STRN: variants seen among roughly 807,000 people sequenced by gnomAD.
STRN encodes protein phosphatase 2 regulatory subunit B'''alpha.
In STRN, 53 loss-of-function variants were observed where a neutral mutation model predicts 96.3. The observed-to-expected ratio is 0.55, with a 90% confidence interval of 0.44 to 0.69. STRN has a LOEUF of 0.69. Among genes scored for constraint, STRN ranks in the 30% least tolerant of loss-of-function variants. STRN has a pLI of 0.00. For missense variants in STRN, 987 were observed against 963.9 expected (o/e 1.02, Z -0.32); for synonymous variants, 428 against 355.9 (o/e 1.20, Z -2.28).
At chr2:36,883,242 G>T (rs992376641) in intron 9 of STRN, among the ~76,000 whole-genome samples, 1 of 151,870 alleles carries the variant, frequency 6.6e-6, no homozygotes, top group Admixed American at 6.5e-5. Flanking sequence ...ATCACTTGAG[G>T]TCAGGAATTC....
At chr2:36,857,182 C>A (rs2148132197) in intron 14 of STRN, among the ~76,000 whole-genome samples, 1 of 151,662 alleles carries the variant, frequency 6.6e-6, no homozygotes, top group Non-Finnish European at 1.5e-5. Context: ...CTGCCTCAGC[C>A]TCCCAAAGTG....
At chr2:36,918,925 C>T (rs900709092) in intron 2 of STRN, among the ~76,000 whole-genome samples, 3 of 152,150 alleles carry the variant, frequency 2.0e-5, no homozygotes, top group Non-Finnish European at 1.5e-5. Flanking sequence ...TATCTAGCAA[C>T]TCCATGTTTG....
At chr2:36,880,598 A>G (rs1460210301) in intron 9 of STRN, among the ~76,000 whole-genome samples, 3 of 152,234 alleles carry the variant, frequency 2.0e-5, no homozygotes, top group Non-Finnish European at 4.4e-5. Flanking sequence ...AATACCATAT[A>G]TCATCCGAGA....
In STRN at chr2:36,857,871, A is replaced by T; in HGVS notation, c.1822T>A (p.Phe608Ile). Residue 608 changes from phenylalanine to isoleucine, a missense_variant, in exon 14 of 18, where the codon TTT becomes ATT. Phe to Ile is a conservative substitution (Grantham distance 21). Coordinates refer to ENST00000263918, the MANE Select transcript of STRN (RefSeq NM_003162.4). ...TTEVAPALSVFNDTKELGIPA... is the reference protein window; with the variant it reads ...TTEVAPALSVINDTKELGIPA... ...AAGTATGTACCTTTAGTATCATTAA[A>T]TACACTTAGTGCTGGAGCAACCTCA... 1.9e-6 allele frequency: 3 copies of T among 1,613,926 alleles called. No individual in the cohort carries two copies. The highest frequency in any genetic ancestry group is 2.5e-6 in the Non-Finnish European group (3 of 1,179,874).
chr2:36,951,303 T>C (rs889222131), intron 1 of STRN, among the ~76,000 whole-genome samples: 2 of 152,202 alleles, frequency 1.3e-5, no homozygotes, highest in African/African-American at 4.8e-5. Context: ...TAGCATCAAG[T>C]AGCAATTATG....
intron 7 of STRN, 81 bp from the exon 8 acceptor site, chr2:36,886,907 C>A (rs1323263603): frequency 5.6e-6 from 6 of 1,063,760 alleles, no homozygotes; most frequent in Non-Finnish European, 8.0e-6. Context: ...AATGACGTAA[C>A]AACCACTTTC....
intron 9 of STRN, among the ~76,000 whole-genome samples, chr2:36,882,540 T>C (rs1346797865): frequency 6.6e-6 from 1 of 151,900 alleles, no homozygotes; most frequent in Non-Finnish European, 1.5e-5. Flanking sequence ...GCCGACGCAG[T>C]TGGATCACTT....
chr2:36,956,415 A>G (rs1664888721), intron 1 of STRN, among the ~76,000 whole-genome samples: 1 of 152,226 alleles, frequency 6.6e-6, no homozygotes, highest in African/African-American at 2.4e-5. Flanking sequence ...TCTGAGGCCC[A>G]TACTTTCAAC....
chr2:36,913,228 T>C (rs116206643), intron 3 of STRN, among the ~76,000 whole-genome samples: 2,320 of 152,262 alleles, frequency 0.015, 33 homozygotes, highest in Non-Finnish European at 0.027. Context: ...TTCAAATGCT[T>C]ATTATATTCC....
intron 5 of STRN, 107 bp downstream of exon 5, chr2:36,902,477 A>AATTT (rs2148200026): frequency 1.2e-6 from 1 of 836,938 alleles, no homozygotes; most frequent in Non-Finnish European, 1.7e-6. Context: ...ATTAAGTTAT[A>AATTT]AATTATTTCT....
chr2:36,957,506 GGAACC>G (rs1260323450), intron 1 of STRN, among the ~76,000 whole-genome samples: 1 of 151,860 alleles, frequency 6.6e-6, no homozygotes, highest in Non-Finnish European at 1.5e-5. Flanking sequence ...AAGAATCGCT[GGAACC>G]TGGAAGGCAG....
At chr2:36,875,659 AT>A (rs70946955) in intron 10 of STRN, among the ~76,000 whole-genome samples, 18 of 142,426 alleles carry the variant, frequency 1.3e-4, no homozygotes, top group African/African-American at 1.3e-4. Flanking sequence ...AATAGAAATG[AT>A]TTTTTTTTTT....
At chr2:36,856,999 G>C (rs143816121) in intron 14 of STRN, among the ~76,000 whole-genome samples, 1 of 151,444 alleles carries the variant, frequency 6.6e-6, no homozygotes, top group Non-Finnish European at 1.5e-5. Context: ...GTACAGAACC[G>C]TCAACCAATT....
At chr2:36,915,406 T>G (rs999985614) in intron 3 of STRN, among the ~76,000 whole-genome samples, 95 of 151,486 alleles carry the variant, frequency 6.3e-4, no homozygotes, top group African/African-American at 2.1e-3. Context: ...TGATAACTTT[T>G]GATTAATTTT....
At chr2:36,934,883 C>G (rs1371339525) in intron 1 of STRN, among the ~76,000 whole-genome samples, 1 of 152,156 alleles carries the variant, frequency 6.6e-6, no homozygotes, top group African/African-American at 2.4e-5. Context: ...TTGAGTCCAG[C>G]CATGGGCAAG....
intron 3 of STRN, among the ~76,000 whole-genome samples, chr2:36,907,221 G>C (rs972865542): frequency 1.6e-4 from 24 of 152,232 alleles, no homozygotes; most frequent in African/African-American, 5.8e-4. Context: ...AGATACAATA[G>C]GGACTGGAAA....
At chr2:36,912,788 T>C (rs1301136018) in intron 3 of STRN, among the ~76,000 whole-genome samples, 1 of 152,170 alleles carries the variant, frequency 6.6e-6, no homozygotes, top group African/African-American at 2.4e-5. Context: ...CCATCTTCAC[T>C]TGGTTACCTA....
chr2:36,885,454 A>G (rs540651356), intron 8 of STRN, among the ~76,000 whole-genome samples: 1 of 152,300 alleles, frequency 6.6e-6, no homozygotes, highest in African/African-American at 2.4e-5. Context: ...ATGCTTGTTA[A>G]GATTAAATTG....
intron 1 of STRN, among the ~76,000 whole-genome samples, chr2:36,951,749 C>G (rs1215689047): frequency 1.3e-5 from 2 of 152,216 alleles, no homozygotes; most frequent in Non-Finnish European, 2.9e-5. Context: ...GACTCAGAGT[C>G]TACTGAGGAA....
Sources: allele counts gnomAD v4.1 joint callset (sites outside exome capture counted in the v4.1 genomes callset), GRCh38; gene constraint gnomAD v4.1.1; transcripts MANE v1.5; gene names NCBI Gene and HGNC (gene_info 2026-07-23, HGNC 2026-07-21).